The following DYNC1I2 variants were observed in gnomAD, a reference collection of about 807,000 sequenced individuals.
The protein encoded by DYNC1I2 is dynein cytoplasmic 1 intermediate chain 2.
DYNC1I2 carries 53 observed loss-of-function variants against 88.6 expected under a neutral mutation model. The observed-to-expected ratio is 0.60, with a 90% CI of 0.48 to 0.75. The LOEUF (loss-of-function observed/expected upper bound fraction) is 0.75, where lower values mean the gene tolerates loss of function less well. Ranked by LOEUF, DYNC1I2 falls within the 30% of genes least tolerant of loss-of-function variation. The pLI is 0.00. For missense variants in DYNC1I2, 458 were observed against 766.6 expected, an observed-to-expected ratio of 0.60 and a Z score of 4.75; for synonymous variants, 198 against 254.6, an observed-to-expected ratio of 0.78 and a Z score of 2.12.
At chr2:171,726,105 T>A in intron 9 of DYNC1I2, 24 bp downstream of exon 9, 1 of 1,562,404 alleles carries the variant, frequency 6.4e-7, no homozygotes, top group Non-Finnish European at 8.6e-7. Context: ...GCTAAGATTT[T>A]TAGCTTCAAT....
At chr2:171,738,546 T>G (rs1188693680) in intron 15 of DYNC1I2, among the ~76,000 whole-genome samples, 1 of 152,176 alleles carries the variant, frequency 6.6e-6, no homozygotes, top group East Asian at 1.9e-4. Context: ...TTACAAATAG[T>G]GTTGTGAGCA....
intron 15 of DYNC1I2, among the ~76,000 whole-genome samples, chr2:171,736,168 G>C (rs768404096): frequency 1.7e-4 from 26 of 152,192 alleles, no homozygotes; most frequent in Non-Finnish European, 3.1e-4. Flanking sequence ...AAAATGCTTT[G>C]AAGTTGGGTG....
At chr2:171,711,770 G>T (rs1037412643) in intron 5 of DYNC1I2, among the ~76,000 whole-genome samples, 4 of 152,060 alleles carry the variant, frequency 2.6e-5, no homozygotes, top group African/African-American at 7.2e-5. Context: ...ACCATTTGTT[G>T]TATTAAAACA....
intron 7 of DYNC1I2, among the ~76,000 whole-genome samples, chr2:171,724,768 T>A (rs1163673229): frequency 1.3e-5 from 2 of 152,190 alleles, no homozygotes; most frequent in African/African-American, 4.8e-5. Context: ...AAATAAACAT[T>A]TTCTTCATAA....
At chr2:171,728,938 G>A (rs763777542) in intron 14 of DYNC1I2, 88 bp downstream of exon 14, 111 of 1,358,582 alleles carry the variant, frequency 8.2e-5, no homozygotes, top group African/African-American at 4.8e-4. Context: ...GAAATCTGTC[G>A]TAGATCTACT....
chr2:171,745,420 C>T (rs545968679), intron 16 of DYNC1I2, among the ~76,000 whole-genome samples: 1 of 152,262 alleles, frequency 6.6e-6, no homozygotes, highest in Non-Finnish European at 1.5e-5. Context: ...TACAACTGAA[C>T]CATAATCTGC....
chr2:171,699,501 T>G (rs932586061), intron 3 of DYNC1I2, among the ~76,000 whole-genome samples: 1 of 152,168 alleles, frequency 6.6e-6, no homozygotes, highest in Non-Finnish European at 1.5e-5. Context: ...TGCCTGTTTC[T>G]TAAAAGCTCA....
At chr2:171,698,868 CAAAAG>C (rs1215276825) in intron 3 of DYNC1I2, among the ~76,000 whole-genome samples, 1 of 151,578 alleles carries the variant, frequency 6.6e-6, no homozygotes, top group Admixed American at 6.6e-5. Flanking sequence ...GACTCTGTCT[CAAAAG>C]AAAAGAAAAG....
intron 7 of DYNC1I2, among the ~76,000 whole-genome samples, chr2:171,719,266 A>G (rs1370734343): frequency 6.6e-6 from 1 of 152,174 alleles, no homozygotes; most frequent in African/African-American, 2.4e-5. Context: ...CCTTTGGGGG[A>G]AAAAATGAGA....
chr2:171,747,663 T>C, intron 17 of DYNC1I2, 113 bp from the exon 18 acceptor site: 2 of 653,272 alleles, frequency 3.1e-6, no homozygotes, highest in Non-Finnish European at 5.2e-6. Context: ...GAAAGGCCAT[T>C]CAGGTCAATT....
intron 3 of DYNC1I2, among the ~76,000 whole-genome samples, chr2:171,695,748 T>C (rs1343538381): frequency 1.3e-5 from 2 of 152,202 alleles, no homozygotes; most frequent in African/African-American, 4.8e-5. Context: ...TGTTATTGTA[T>C]ATAAGACTTA....
At chr2:171,718,527 G>A (rs535425895) in intron 7 of DYNC1I2, among the ~76,000 whole-genome samples, 44 of 151,706 alleles carry the variant, frequency 2.9e-4, no homozygotes, top group East Asian at 1.2e-3. Context: ...TCCATCTCCC[G>A]GGTTCACACC....
At chr2:171,693,542 T>C (rs891038742) in intron 3 of DYNC1I2, among the ~76,000 whole-genome samples, 18 of 152,238 alleles carry the variant, frequency 1.2e-4, no homozygotes, top group African/African-American at 3.4e-4. Context: ...GGTGCTATTA[T>C]GTAGTATTTT....
At chr2:171,728,439 T>C in intron 13 of DYNC1I2, 21 bp downstream of exon 13, 1 of 1,440,948 alleles carries the variant, frequency 6.9e-7, no homozygotes, top group Non-Finnish European at 9.6e-7. Flanking sequence ...CTTGGGAAAC[T>C]GAAATTTTGA....
Position 171,693,120 on chromosome 2 carries a change from T to C in DYNC1I2, c.226+226T>C, listed in dbSNP as rs6757773. The C allele has an allele frequency of 1.5e-3, 683 of 456,874 alleles. 5 individuals carry two copies. The highest frequency in any genetic ancestry group is 0.012 in the African/African-American group (591 of 50,418). The allele number at this position is 456,874 out of a possible 1,614,324, so 28.3% of individuals were successfully genotyped here. ...TTATTAACATATACTGAACTACCAA[T>C]TGACTTCTCTTATTAAATCAGTAAT... On this transcript the variant is annotated intron_variant, in intron 3 of 17. Coordinates refer to ENST00000397119, the MANE Select transcript of DYNC1I2 (RefSeq NM_001378.3).
chr2:171,747,129 G>A (rs985282336), intron 17 of DYNC1I2, among the ~76,000 whole-genome samples: 3 of 150,660 alleles, frequency 2.0e-5, no homozygotes, highest in Admixed American at 2.0e-4. Context: ...GGGAGGCAGA[G>A]GTTACAGTGA....
At chr2:171,696,226 A>G (rs1415614153) in intron 3 of DYNC1I2, among the ~76,000 whole-genome samples, 2 of 152,354 alleles carry the variant, frequency 1.3e-5, no homozygotes, top group South Asian at 2.1e-4. Context: ...GATATGATCA[A>G]ATCTAGCAAT....
chr2:171,745,350 T>C (rs892377433), intron 16 of DYNC1I2, among the ~76,000 whole-genome samples: 1 of 152,216 alleles, frequency 6.6e-6, no homozygotes, highest in African/African-American at 2.4e-5. Context: ...CTAGGAACAC[T>C]GAGTCAAATA....
At chr2:171,723,565 A>G (rs1688038079) in intron 7 of DYNC1I2, among the ~76,000 whole-genome samples, 2 of 152,206 alleles carry the variant, frequency 1.3e-5, no homozygotes, top group Non-Finnish European at 1.5e-5. Flanking sequence ...TAGAATTGCT[A>G]CCAATTATAC....
Sources: allele counts gnomAD v4.1 joint callset (sites outside exome capture counted in the v4.1 genomes callset), GRCh38; gene constraint gnomAD v4.1.1; transcripts MANE v1.5; gene names NCBI Gene and HGNC (gene_info 2026-07-23, HGNC 2026-07-21).